SYCP1: variants seen among roughly 807,000 people sequenced by gnomAD.
The protein encoded by SYCP1 is cancer/testis antigen 8.
Under a neutral mutation model 153.1 loss-of-function variants are expected in SYCP1, and 64 were observed. The ratio of observed to expected loss-of-function variants is 0.42; its 90% CI spans 0.34 to 0.51. The LOEUF (loss-of-function observed/expected upper bound fraction) is 0.51, where lower values mean the gene tolerates loss of function less well. Among genes scored for constraint, SYCP1 ranks in the 20% least tolerant of loss-of-function variants. SYCP1 has a pLI of 0.06. For synonymous variants in SYCP1, 384 were observed against 341.8 expected, an observed-to-expected ratio of 1.12 and a Z score of -1.36; for missense variants, 997 against 1,049.0, an observed-to-expected ratio of 0.95 and a Z score of 0.68.
In SYCP1 at chr1:114,944,868, A is replaced by C. The variant is rs771217650; in HGVS notation, c.2044-4A>C. The C allele has an allele frequency of 6.5e-7, 1 of 1,538,674 alleles. No homozygotes were observed. The highest frequency in any genetic ancestry group is 1.3e-5 in the South Asian group (1 of 79,956). The stretch of plus-strand genomic sequence containing the variant: ...GAAACTTTTTTTTTTTGCTTATTTG[A>C]TAGGTTGAGAAAGCAAAAGTAATAG... On this transcript the variant is annotated splice_polypyrimidine_tract_variant and splice_region_variant and intron_variant, in intron 24 of 31. Transcript: ENST00000369522.
intron 23 of SYCP1, among the ~76,000 whole-genome samples, chr1:114,928,592 C>T (rs947938868): frequency 4.6e-4 from 70 of 151,992 alleles, no homozygotes; most frequent in African/African-American, 1.4e-3. Context: ...ATTTAAAAGG[C>T]GATATATTTT....
intron 20 of SYCP1, among the ~76,000 whole-genome samples, chr1:114,918,868 T>C (rs530055111): frequency 6.6e-6 from 1 of 152,172 alleles, no homozygotes; most frequent in South Asian, 2.1e-4. Context: ...TTAGTTCTAA[T>C]AGTTTTTTGG....
chr1:114,954,546 T>TA (rs1254941994), intron 27 of SYCP1, among the ~76,000 whole-genome samples: 138 of 147,056 alleles, frequency 9.4e-4, no homozygotes, highest in Non-Finnish European at 1.8e-3. Flanking sequence ...GTCAGTATGC[T>TA]TTTTATTTAT....
chr1:114,877,023 A>G (rs998674173), intron 11 of SYCP1: 1 of 241,578 alleles, frequency 4.1e-6, no homozygotes, highest in Non-Finnish European at 8.3e-6. Flanking sequence ...GTTTTAATCA[A>G]TTATTCTTCT....
At chr1:114,889,134 T>C in intron 15 of SYCP1, among the ~76,000 whole-genome samples, 1 of 152,220 alleles carries the variant, frequency 6.6e-6, no homozygotes, top group Non-Finnish European at 1.5e-5. Flanking sequence ...GTTCCAAGTC[T>C]TTGCTATTGT....
chr1:114,858,737 C>T, intron 6 of SYCP1, 26 bp downstream of exon 6: 1 of 1,575,022 alleles, frequency 6.3e-7, no homozygotes, highest in East Asian at 2.2e-5. Flanking sequence ...GCATTGTAAA[C>T]ATAGTATAGT....
chr1:114,988,650 A>G (rs1673700822), intron 30 of SYCP1, among the ~76,000 whole-genome samples: 1 of 152,036 alleles, frequency 6.6e-6, no homozygotes, highest in Non-Finnish European at 1.5e-5. Context: ...CTGCTCTTCA[A>G]AAAGTACTAA....
intron 27 of SYCP1, among the ~76,000 whole-genome samples, chr1:114,955,676 G>A (rs1173448992): frequency 6.6e-6 from 1 of 152,240 alleles, no homozygotes; most frequent in East Asian, 1.9e-4. Flanking sequence ...CTCACTTTGG[G>A]AGCCTCAGGA....
intron 8 of SYCP1, among the ~76,000 whole-genome samples, chr1:114,863,811 T>C (rs895365100): frequency 6.6e-6 from 1 of 152,124 alleles, no homozygotes; most frequent in Non-Finnish European, 1.5e-5. Flanking sequence ...AATGAGTTCA[T>C]GTCCTTTGCA....
intron 14 of SYCP1, among the ~76,000 whole-genome samples, 176 bp downstream of exon 14, chr1:114,886,485 A>G (rs1412228382): frequency 6.6e-6 from 1 of 152,128 alleles, no homozygotes; most frequent in African/African-American, 2.4e-5. Context: ...GGATAGACAG[A>G]TATCTTAGGA....
chr1:114,945,438 G>A (rs1670647895), intron 25 of SYCP1, among the ~76,000 whole-genome samples: 1 of 151,664 alleles, frequency 6.6e-6, no homozygotes, highest in Non-Finnish European at 1.5e-5. Flanking sequence ...GTATCCATTT[G>A]TTAAGGAATT....
intron 23 of SYCP1, among the ~76,000 whole-genome samples, chr1:114,932,243 T>G (rs1384636975): frequency 6.6e-6 from 1 of 152,160 alleles, no homozygotes; most frequent in Non-Finnish European, 1.5e-5. Context: ...CAAAAGGCAT[T>G]ATTAAGCAAA....
intron 11 of SYCP1, 67 bp downstream of exon 11, chr1:114,876,877 AAAG>A (rs1486012889): frequency 1.1e-6 from 1 of 870,590 alleles, no homozygotes; most frequent in Non-Finnish European, 1.6e-6. Flanking sequence ...TAAAATTTCA[AAAG>A]AAGTTTATAT....
At chr1:114,977,481 G>A in intron 27 of SYCP1, 76 bp from the exon 28 acceptor site, 1 of 908,414 alleles carries the variant, frequency 1.1e-6, no homozygotes, top group Non-Finnish European at 1.6e-6. Flanking sequence ...ATACTTACTA[G>A]GAAAGATTTT....
chr1:114,888,357 T>G (rs1348387878), intron 15 of SYCP1, among the ~76,000 whole-genome samples: 1 of 152,006 alleles, frequency 6.6e-6, no homozygotes, highest in African/African-American at 2.4e-5. Flanking sequence ...ATAAAATATT[T>G]TCATTACTTT....
intron 21 of SYCP1, among the ~76,000 whole-genome samples, chr1:114,923,990 A>G (rs911875593): frequency 8.5e-5 from 13 of 152,176 alleles, no homozygotes; most frequent in African/African-American, 1.9e-4. Context: ...AAATTCTGCC[A>G]AAGTGGAAAA....
At position 114,923,530 on chromosome 1, in the gene SYCP1, T is replaced by A. The variant is rs1669041871; in HGVS notation, c.1800T>A (p.Asn600Lys). Residue 600 changes from asparagine (N) to lysine (K), a missense_variant and splice_region_variant, in exon 21 of 32, where the codon AAT becomes AAA. Transcript: ENST00000369522. ...GTAAATTGGACAAGAGTGAAGAAAATGTATGTTATATTTAATAATGGATCG... is the reference window on the plus strand; with the variant it reads ...GTAAATTGGACAAGAGTGAAGAAAAAGTATGTTATATTTAATAATGGATCG... The part of the protein sequence containing the change: ...VKCKLDKSEE[N>K]CNNLRKQVEN... 3 of 1,580,170 alleles carry A rather than the reference T, an allele frequency of 1.9e-6. No individual in the cohort carries two copies. The African/African-American group carries it at 4.1e-5, about 21-fold the overall frequency.
intron 15 of SYCP1, among the ~76,000 whole-genome samples, chr1:114,892,812 T>C (rs988981664): frequency 1.3e-5 from 2 of 151,692 alleles, no homozygotes; most frequent in Admixed American, 6.6e-5. Flanking sequence ...AGGTGGGGGA[T>C]GTCAGTGGGG....
At chr1:114,863,925 G>A (rs1377623652) in intron 8 of SYCP1, among the ~76,000 whole-genome samples, 9 of 137,956 alleles carry the variant, frequency 6.5e-5, no homozygotes, top group Admixed American at 4.8e-4. Context: ...TGAACAATGC[G>A]AACACATGGA....
Sources: gnomAD v4.1 joint callset for allele counts (sites outside exome capture counted in the v4.1 genomes callset) on GRCh38, gnomAD v4.1.1 for gene constraint, MANE v1.5 for transcripts, NCBI Gene and HGNC (gene_info 2026-07-23, HGNC 2026-07-21) for gene names.